GABRG3: variants seen among roughly 807,000 people sequenced by gnomAD.
The protein encoded by GABRG3 is gamma-aminobutyric acid type A receptor subunit gamma3.
A neutral mutation model predicts 48.8 loss-of-function variants in GABRG3; 25 were observed. The observed-to-expected ratio is 0.51, with a 90% confidence interval of 0.37 to 0.72. The LOEUF (loss-of-function observed/expected upper bound fraction) is 0.72, where lower values mean the gene tolerates loss of function less well. GABRG3 is among the 30% of genes least tolerant of loss of function. The probability of loss-of-function intolerance (pLI) is 0.00; values close to 1 mark genes in which losing one functional copy is unlikely to be tolerated. For missense variants in GABRG3, 394 were observed against 577.9 expected, an observed-to-expected ratio of 0.68 and a Z score of 3.26; for synonymous variants, 227 against 217.6, an observed-to-expected ratio of 1.04 and a Z score of -0.38.
chr15:27,336,007 G>A (rs1055725881), intron 5 of GABRG3, among the ~76,000 whole-genome samples: 1 of 151,966 alleles, frequency 6.6e-6, no homozygotes, highest in African/African-American at 2.4e-5. Context: ...GACCAATATG[G>A]TGAAACCCCA....
chr15:27,453,668 C>T (rs762217551), intron 5 of GABRG3, among the ~76,000 whole-genome samples: 4 of 152,220 alleles, frequency 2.6e-5, no homozygotes, highest in Non-Finnish European at 4.4e-5. Flanking sequence ...ATGGCGCAAT[C>T]TTGGCTCACT....
At chr15:27,508,930 G>A (rs542934504) in intron 6 of GABRG3, among the ~76,000 whole-genome samples, 121 of 152,032 alleles carry the variant, frequency 8.0e-4, no homozygotes, top group African/African-American at 2.6e-3. Flanking sequence ...CGTGTTAGCC[G>A]GGATGCTTTC....
At chr15:27,370,378 G>A (rs1895368593) in intron 5 of GABRG3, among the ~76,000 whole-genome samples, 1 of 152,320 alleles carries the variant, frequency 6.6e-6, no homozygotes, top group South Asian at 2.1e-4. Context: ...TAATAGCCTG[G>A]AGTACTTGTT....
chr15:26,971,456 C>A lies in GABRG3; in HGVS notation c.-80C>A. 2 of 1,229,196 alleles carry A rather than the reference C, an allele frequency of 1.6e-6. No homozygotes were observed. Among genetic ancestry groups the A allele is most frequent in the Non-Finnish European group, 2.2e-6 (2 of 917,916 alleles). 76.1% of individuals were successfully genotyped at this position (1,229,196 alleles called of 1,614,324 possible). ...TCGGAGGAAGCCAGGGCAAAGAGGG[C>A]CGGCGGAGACCAGGTCCGCGCCGGA... is the stretch of plus-strand genomic sequence containing the variant. On this transcript the variant is annotated 5_prime_UTR_variant, in exon 1 of 10. Coordinates refer to ENST00000615808, the MANE Select transcript of GABRG3 (RefSeq NM_033223.5).
chr15:27,014,074 C>T (rs1895734893), intron 2 of GABRG3, among the ~76,000 whole-genome samples: 1 of 151,958 alleles, frequency 6.6e-6, no homozygotes, highest in South Asian at 2.1e-4. Context: ...AGTCCTTTGC[C>T]TCTTTAGTAC....
chr15:27,233,354 A>G (rs750809811), intron 3 of GABRG3, among the ~76,000 whole-genome samples: 6 of 152,180 alleles, frequency 3.9e-5, no homozygotes, highest in Admixed American at 6.5e-5. Flanking sequence ...ATGCTCTAAC[A>G]GAATACCTTG....
chr15:27,357,445 T>C (rs1894878392), intron 5 of GABRG3, among the ~76,000 whole-genome samples: 1 of 152,228 alleles, frequency 6.6e-6, no homozygotes, highest in African/African-American at 2.4e-5. Context: ...CTTTTATTTA[T>C]GTGGATTATC....
intron 3 of GABRG3, among the ~76,000 whole-genome samples, chr15:27,043,717 A>G (rs1896316123): frequency 6.6e-6 from 1 of 152,166 alleles, no homozygotes; most frequent in South Asian, 2.1e-4. Flanking sequence ...TTAGTTACCT[A>G]TTGCTGTGTA....
chr15:27,124,429 A>C (rs564272255), intron 3 of GABRG3, among the ~76,000 whole-genome samples: 2 of 151,876 alleles, frequency 1.3e-5, no homozygotes, highest in Non-Finnish European at 1.5e-5. Context: ...TGACCAAACC[A>C]CCTCTCCTCC....
chr15:27,159,033 C>A (rs1474655393), intron 3 of GABRG3, among the ~76,000 whole-genome samples: 1 of 152,198 alleles, frequency 6.6e-6, no homozygotes, highest in Admixed American at 6.5e-5. Flanking sequence ...AAACCGCTCA[C>A]TTTGCTTATG....
At chr15:27,149,643 C>T (rs1030462835) in intron 3 of GABRG3, among the ~76,000 whole-genome samples, 1 of 152,164 alleles carries the variant, frequency 6.6e-6, no homozygotes, top group African/African-American at 2.4e-5. Context: ...TAGGCATATG[C>T]ATAAATGGAA....
intron 3 of GABRG3, among the ~76,000 whole-genome samples, chr15:27,313,857 C>T (rs1465132824): frequency 1.3e-5 from 2 of 151,802 alleles, no homozygotes; most frequent in Non-Finnish European, 2.9e-5. Flanking sequence ...GTAATAAACA[C>T]CTACATTAAA....
intron 2 of GABRG3, among the ~76,000 whole-genome samples, chr15:26,996,691 C>G (rs1895347317): frequency 1.3e-5 from 2 of 151,568 alleles, no homozygotes; most frequent in South Asian, 4.2e-4. Context: ...GCTCAGTCAC[C>G]CAGGCTGGAG....
chr15:27,306,536 AC>A (rs1295353097), intron 3 of GABRG3, among the ~76,000 whole-genome samples: 5 of 133,968 alleles, frequency 3.7e-5, no homozygotes, highest in Non-Finnish European at 7.7e-5. Flanking sequence ...ATAAACATAA[AC>A]ATATAATATA....
chr15:27,055,191 G>A (rs552306228), intron 3 of GABRG3, among the ~76,000 whole-genome samples: 2 of 152,028 alleles, frequency 1.3e-5, no homozygotes, highest in Non-Finnish European at 1.5e-5. Context: ...GTCCCGCACC[G>A]GAGCAGCCTG....
At chr15:27,256,452 AAAAG>A (rs946927188) in intron 3 of GABRG3, among the ~76,000 whole-genome samples, 1 of 150,622 alleles carries the variant, frequency 6.6e-6, no homozygotes, top group Non-Finnish European at 1.5e-5. Context: ...AAAAAAAAAA[AAAAG>A]AAAACAAACC....
intron 3 of GABRG3, among the ~76,000 whole-genome samples, chr15:27,247,973 G>T (rs1474817877): frequency 6.6e-6 from 1 of 152,158 alleles, no homozygotes; most frequent in Non-Finnish European, 1.5e-5. Context: ...AAACCATAAC[G>T]CATGACTACA....
intron 5 of GABRG3, among the ~76,000 whole-genome samples, chr15:27,429,671 G>A (rs191318745): frequency 6.6e-6 from 1 of 152,206 alleles, no homozygotes; most frequent in East Asian, 1.9e-4. Flanking sequence ...GTGATATATG[G>A]CCTTTTGTGA....
chr15:27,121,910 A>G (rs1435484824), intron 3 of GABRG3, among the ~76,000 whole-genome samples: 1 of 152,196 alleles, frequency 6.6e-6, no homozygotes, highest in African/African-American at 2.4e-5. Context: ...TCTAAACATC[A>G]AAACAGTGGA....
Sources: allele counts gnomAD v4.1 joint callset (sites outside exome capture counted in the v4.1 genomes callset), GRCh38; gene constraint gnomAD v4.1.1; transcripts MANE v1.5; gene names NCBI Gene and HGNC (gene_info 2026-07-23, HGNC 2026-07-21).